Variants in NDUFAF2 observed in about 807,000 individuals in gnomAD.
The protein encoded by NDUFAF2 is NADH:ubiquinone oxidoreductase complex assembly factor 2.
NDUFAF2 carries 13 observed loss-of-function variants against 22.8 expected under a neutral mutation model. That is an observed-to-expected ratio of 0.57 (90% CI 0.37 to 0.91). The LOEUF is 0.91. Ranked by LOEUF, NDUFAF2 falls within the 40% of genes least tolerant of loss-of-function variation. The pLI, the probability that NDUFAF2 is intolerant of heterozygous loss-of-function variation, is 0.01. For synonymous variants in NDUFAF2, 53 were observed against 64.2 expected (o/e 0.83, Z 0.84); for missense variants, 162 against 195.2 (o/e 0.83, Z 1.01).
intron 3 of NDUFAF2, among the ~76,000 whole-genome samples, chr5:61,136,722 A>T (rs1309564162): frequency 6.6e-6 from 1 of 152,184 alleles, no homozygotes; most frequent in Non-Finnish European, 1.5e-5. Context: ...TGCCTTAATA[A>T]GCTGGTTAAA....
chr5:61,029,273 A>G (rs1751694486), intron 1 of NDUFAF2, among the ~76,000 whole-genome samples: 1 of 152,126 alleles, frequency 6.6e-6, no homozygotes, highest in Non-Finnish European at 1.5e-5. Context: ...TGTGAACCTA[A>G]AACTGCTCAA....
At chr5:61,112,633 G>T (rs1467257380) in intron 3 of NDUFAF2, among the ~76,000 whole-genome samples, 1 of 151,844 alleles carries the variant, frequency 6.6e-6, no homozygotes, top group East Asian at 1.9e-4. Flanking sequence ...TTATTTTCAG[G>T]CTATATGAGT....
chr5:61,152,188 T>C (rs1021215013), intron 3 of NDUFAF2, among the ~76,000 whole-genome samples: 6 of 152,026 alleles, frequency 3.9e-5, no homozygotes, highest in African/African-American at 1.5e-4. Context: ...CCTCCTCCTT[T>C]CCTGCCATAC....
chr5:61,011,540 G>A (rs1467194950), intron 1 of NDUFAF2, among the ~76,000 whole-genome samples: 8 of 152,042 alleles, frequency 5.3e-5, no homozygotes, highest in African/African-American at 1.4e-4. Flanking sequence ...CTGTTGCTGC[G>A]TGGTGGCTGC....
chr5:61,085,438 C>T (rs1387588382), intron 2 of NDUFAF2, among the ~76,000 whole-genome samples: 1 of 152,116 alleles, frequency 6.6e-6, no homozygotes, highest in Non-Finnish European at 1.5e-5. Flanking sequence ...CTACAGTTAA[C>T]CTCACATTCA....
intron 3 of NDUFAF2, among the ~76,000 whole-genome samples, chr5:61,134,044 C>A (rs1487646867): frequency 6.6e-6 from 1 of 151,922 alleles, no homozygotes; most frequent in African/African-American, 2.4e-5. Context: ...CAGAAACAAC[C>A]CAAATATCTA....
At chr5:61,073,635 G>A (rs1752330231) in intron 2 of NDUFAF2, among the ~76,000 whole-genome samples, 1 of 152,144 alleles carries the variant, frequency 6.6e-6, no homozygotes, top group Non-Finnish European at 1.5e-5. Flanking sequence ...CATAATACTT[G>A]CTGTAGATAC....
At chr5:61,045,754 C>T (rs1751946414) in intron 1 of NDUFAF2, among the ~76,000 whole-genome samples, 1 of 151,986 alleles carries the variant, frequency 6.6e-6, no homozygotes, top group Non-Finnish European at 1.5e-5. Flanking sequence ...GATATAAGAC[C>T]TTGTCATCTG....
intron 1 of NDUFAF2, among the ~76,000 whole-genome samples, chr5:61,032,872 T>A (rs528815081): frequency 5.0e-4 from 76 of 152,288 alleles, no homozygotes; most frequent in Non-Finnish European, 8.7e-4. Context: ...TCTAGATCCT[T>A]GAGGAATTGC....
At chr5:61,045,525 G>T (rs1328548948) in intron 1 of NDUFAF2, among the ~76,000 whole-genome samples, 1 of 151,370 alleles carries the variant, frequency 6.6e-6, no homozygotes, top group Non-Finnish European at 1.5e-5. Flanking sequence ...TTTTTTTAGA[G>T]ACGGGGTCTC....
chr5:60,985,386 C>G (rs1751058833), intron 1 of NDUFAF2, among the ~76,000 whole-genome samples: 1 of 152,002 alleles, frequency 6.6e-6, no homozygotes, highest in Non-Finnish European at 1.5e-5. Flanking sequence ...TTTTGTGTCT[C>G]TATCTCCTTC....
rs111423466 is a variant in NDUFAF2 at position 60,966,825 on chromosome 5, G to A, written c.127+21443G>A. Among the ~76,000 whole-genome samples the A allele has an allele frequency of 5.7e-4, 87 of 152,226 alleles. 1 individual carries two copies. The highest frequency in any genetic ancestry group is 2.0e-3 in the African/African-American group (84 of 41,566). On this transcript the variant is annotated intron_variant, in intron 1 of 3. Coordinates refer to ENST00000296597, the MANE Select transcript of NDUFAF2 (RefSeq NM_174889.5). ...TGCTCAAGATTGCTTTGGCTATTTA[G>A]AGTCTTTGGTGGCTTCACTGAAATT...
intron 1 of NDUFAF2, among the ~76,000 whole-genome samples, chr5:61,012,154 A>G (rs1357531923): frequency 6.6e-6 from 1 of 151,984 alleles, no homozygotes; most frequent in Non-Finnish European, 1.5e-5. Context: ...GTCAGCTCTC[A>G]CATCTTTATG....
chr5:61,048,039 C>T (rs1751975071), intron 1 of NDUFAF2, among the ~76,000 whole-genome samples: 1 of 152,036 alleles, frequency 6.6e-6, no homozygotes, highest in African/African-American at 2.4e-5. Flanking sequence ...TTCGCATTTC[C>T]CTCTCACAAG....
intron 1 of NDUFAF2, among the ~76,000 whole-genome samples, chr5:61,006,019 A>G (rs1001012346): frequency 2.0e-5 from 3 of 152,022 alleles, no homozygotes; most frequent in Non-Finnish European, 2.9e-5. Context: ...CCTTGCCCAT[A>G]CCTATGTCCT....
intron 3 of NDUFAF2, among the ~76,000 whole-genome samples, chr5:61,135,562 C>G (rs745394491): frequency 2.6e-5 from 4 of 151,940 alleles, no homozygotes; most frequent in East Asian, 1.9e-4. Flanking sequence ...TCAGAATCAC[C>G]TAGTAACTTG....
intron 1 of NDUFAF2, among the ~76,000 whole-genome samples, chr5:61,043,863 TATAACCAGTAGTGGGACAACTGG>T (rs1367110229): frequency 2.0e-5 from 3 of 152,192 alleles, no homozygotes; most frequent in Non-Finnish European, 4.4e-5. Flanking sequence ...CCTTTGGATA[TATAACCAGTAGTGGGACAACTGG>T]ATTATTTGGT....
At position 61,059,318 on chromosome 5, in the gene NDUFAF2, A is replaced by G. The variant is rs1316833151; in HGVS notation, c.128-13807A>G. On this transcript the variant is annotated intron_variant, in intron 1 of 3. Coordinates refer to ENST00000296597, the MANE Select transcript of NDUFAF2 (RefSeq NM_174889.5). ...AAAAATTAACGGTCAATAAGAGTTT[A>G]TTGTCCTTGTGCAAAGCACAAACAC... Among the ~76,000 whole-genome samples the G allele has an allele frequency of 2.6e-5, 4 of 152,216 alleles. No homozygotes were observed. In the East Asian group the frequency reaches 7.7e-4, roughly 29 times the overall value.
chr5:61,009,308 T>G (rs1420822530), intron 1 of NDUFAF2, among the ~76,000 whole-genome samples: 1 of 152,106 alleles, frequency 6.6e-6, no homozygotes, highest in Non-Finnish European at 1.5e-5. Flanking sequence ...GCATTTAATT[T>G]GCTATTGTGC....
Sources: allele counts gnomAD v4.1 joint callset (sites outside exome capture counted in the v4.1 genomes callset), GRCh38; gene constraint gnomAD v4.1.1; transcripts MANE v1.5; gene names NCBI Gene and HGNC (gene_info 2026-07-23, HGNC 2026-07-21).